The following PPARG variants were observed in gnomAD, a reference collection of about 807,000 sequenced individuals.
The protein encoded by PPARG is peroxisome proliferator activated receptor gamma, also known as peroxisome proliferator-activated receptor gamma.
Under a neutral mutation model 39.2 loss-of-function variants are expected in PPARG, and 17 were observed. The ratio of observed to expected loss-of-function variants is 0.43; its 90% CI spans 0.30 to 0.65. PPARG has a LOEUF of 0.65. Ranked by LOEUF, PPARG falls within the 30% of genes least tolerant of loss-of-function variation. The pLI is 0.13. For synonymous variants in PPARG, 223 were observed against 215.7 expected (o/e 1.03, Z -0.30); for missense variants, 406 against 585.9 (o/e 0.69, Z 3.17).
chr3:12,381,582 T>A, intron 4 of PPARG, 91 bp downstream of exon 4: 1 of 1,357,146 alleles, frequency 7.4e-7, no homozygotes, highest in Non-Finnish European at 1.0e-6. Context: ...AATATATGAA[T>A]TTTTTTTCTT....
chr3:12,343,018 A>G (rs1406963823), intron 2 of PPARG, among the ~76,000 whole-genome samples: 8 of 152,144 alleles, frequency 5.3e-5, no homozygotes, highest in Admixed American at 4.6e-4. Context: ...TACTAAAGAG[A>G]TTTCTTTTAT....
At chr3:12,403,456 C>G (rs2050550687) in intron 5 of PPARG, among the ~76,000 whole-genome samples, 1 of 151,926 alleles carries the variant, frequency 6.6e-6, no homozygotes, top group Admixed American at 6.6e-5. Flanking sequence ...CTCAAGGGAT[C>G]CTTCCACCTC....
intron 7 of PPARG, among the ~76,000 whole-genome samples, chr3:12,421,525 T>C (rs1345672030): frequency 6.6e-6 from 1 of 152,152 alleles, no homozygotes; most frequent in Non-Finnish European, 1.5e-5. Context: ...TTTTGCCCCC[T>C]TGAGTGTTTG....
rs140267068 is a variant in PPARG at position 12,321,807 on chromosome 3, T to C, written c.-9+9354T>C. Among the ~76,000 whole-genome samples the C allele has an allele frequency of 1.8e-4, 27 of 152,330 alleles. No individual in the cohort carries two copies. The East Asian group carries it at 5.2e-3, about 29-fold the overall frequency. ...TATGACTGGGATGGATTGATTTTCA[T>C]ACTATTGTTGATTCAACATTTTTTA... On this transcript the variant is annotated intron_variant, in intron 2 of 7. Transcript: ENST00000651735.
At chr3:12,374,151 C>T (rs1360186510) in intron 2 of PPARG, among the ~76,000 whole-genome samples, 1 of 152,158 alleles carries the variant, frequency 6.6e-6, no homozygotes, top group East Asian at 1.9e-4. Context: ...GCTTTTCCAC[C>T]AGTATGCCCT....
intron 7 of PPARG, among the ~76,000 whole-genome samples, chr3:12,420,422 A>G (rs1226411494): frequency 6.6e-6 from 1 of 152,246 alleles, no homozygotes; most frequent in Non-Finnish European, 1.5e-5. Flanking sequence ...AGTCTTAACA[A>G]GAGTGATTGT....
intron 2 of PPARG, among the ~76,000 whole-genome samples, chr3:12,341,677 C>A (rs140571032): frequency 6.6e-6 from 1 of 152,284 alleles, no homozygotes; most frequent in African/African-American, 2.4e-5. Context: ...GGCATTGTGG[C>A]ACGCGCCTGT....
At chr3:12,422,793 G>A (rs1439442669) in intron 7 of PPARG, among the ~76,000 whole-genome samples, 2 of 151,580 alleles carry the variant, frequency 1.3e-5, no homozygotes, top group Non-Finnish European at 2.9e-5. Flanking sequence ...GAGGCAGGAG[G>A]ATTGCTTAAG....
chr3:12,305,512 T>C (rs1342038409), intron 1 of PPARG, among the ~76,000 whole-genome samples: 1 of 152,236 alleles, frequency 6.6e-6, no homozygotes, highest in African/African-American at 2.4e-5. Flanking sequence ...CCTTGGTTTC[T>C]GTCCTCTTTT....
chr3:12,323,969 A>T (rs905329101), intron 2 of PPARG, among the ~76,000 whole-genome samples: 8 of 152,178 alleles, frequency 5.3e-5, no homozygotes, highest in African/African-American at 1.7e-4. Flanking sequence ...AAGAGTGCTC[A>T]TCAGTGGAGA....
At chr3:12,354,146 G>A (rs4684848) in intron 2 of PPARG, among the ~76,000 whole-genome samples, 38,515 of 152,098 alleles carry the variant, frequency 0.25, 8,104 homozygotes, top group African/African-American at 0.58. Flanking sequence ...CCAGGCAACT[G>A]TATATTCAGA....
intron 2 of PPARG, among the ~76,000 whole-genome samples, chr3:12,374,070 A>G (rs2125153430): frequency 6.6e-6 from 1 of 152,274 alleles, no homozygotes; most frequent in East Asian, 1.9e-4. Flanking sequence ...TGGAAATAAG[A>G]CTGAAAAAGT....
intron 2 of PPARG, among the ~76,000 whole-genome samples, chr3:12,333,874 A>C (rs1264457554): frequency 6.6e-6 from 1 of 152,130 alleles, no homozygotes. Flanking sequence ...TAGGATCCAC[A>C]TACAGGCCCC....
intron 5 of PPARG, among the ~76,000 whole-genome samples, chr3:12,400,755 A>G (rs755551797): frequency 2.0e-5 from 3 of 152,222 alleles, no homozygotes; most frequent in African/African-American, 7.2e-5. Flanking sequence ...CTTGAGTACT[A>G]TGTAGACATT....
chr3:12,321,167 C>T (rs2047531650), intron 2 of PPARG, among the ~76,000 whole-genome samples: 1 of 152,184 alleles, frequency 6.6e-6, no homozygotes, highest in Admixed American at 6.5e-5. Flanking sequence ...TGTGTGGCCT[C>T]TGTGTCCGAT....
At chr3:12,288,814 G>A (rs551422793), upstream of PPARG, 15 of 152,416 alleles carry the variant, frequency 9.8e-5, no homozygotes, top group South Asian at 2.7e-3. Flanking sequence ...CGCACCCCGG[G>A]GGGCTGGAAA....
At position 12,307,097 on chromosome 3, in the gene PPARG, C is replaced by CA. The variant is rs11323214; in HGVS notation, c.-82-5263dup. On this transcript the variant is annotated intron_variant, in intron 1 of 7. Coordinates refer to ENST00000651735, the MANE Select transcript of PPARG (RefSeq NM_138711.6). ...TGGGCGACAGTGCAAGACTCCGTCT[C>CA]AAAAAAAAAAAAAAAAAAAATCAAC... Among the ~76,000 whole-genome samples the CA allele has an allele frequency of 5.4e-3, 453 of 83,768 alleles. 2 individuals are homozygous for CA. The highest frequency in any genetic ancestry group is 0.028 in the Middle Eastern group (4 of 144). 55.0% of individuals were successfully genotyped at this position (83,768 alleles called of 152,430 possible).
At position 12,386,338 on chromosome 3, in the gene PPARG, C is replaced by G. The variant is rs984883220; in HGVS notation, c.390+4847C>G. ...GGTGTAAAAAAAGTAAAAGCAAGTT[C>G]CAAGATGCATGCTAGGATCTGTGTA... On this transcript the variant is annotated intron_variant, in intron 4 of 7. Transcript: ENST00000651735. Among the ~76,000 whole-genome samples, 3 of 152,144 alleles carry G rather than the reference C, an allele frequency of 2.0e-5. No individual in the cohort carries two copies. In the East Asian group the frequency reaches 5.8e-4, roughly 29 times the overall value.
chr3:12,308,512 G>A (rs929121434), intron 1 of PPARG, among the ~76,000 whole-genome samples: 6 of 151,998 alleles, frequency 3.9e-5, no homozygotes, highest in African/African-American at 7.3e-5. Context: ...TGAGCCAATC[G>A]TTATGCATGC....
Sources: gnomAD v4.1 joint callset for allele counts (sites outside exome capture counted in the v4.1 genomes callset) on GRCh38, gnomAD v4.1.1 for gene constraint, MANE v1.5 for transcripts, NCBI Gene and HGNC (gene_info 2026-07-23, HGNC 2026-07-21) for gene names.